Variants in NPAS3 observed in about 807,000 individuals in gnomAD.
The protein encoded by NPAS3 is neuronal PAS domain-containing protein 3.
In NPAS3, 14 loss-of-function variants were observed where a neutral mutation model predicts 73.1. The ratio of observed to expected loss-of-function variants is 0.19; its 90% CI spans 0.13 to 0.30. The LOEUF is 0.30. Among genes scored for constraint, NPAS3 ranks in the 10% least tolerant of loss-of-function variants. The probability of loss-of-function intolerance (pLI) is 1.00; values close to 1 mark genes in which losing one functional copy is unlikely to be tolerated. For synonymous variants in NPAS3, 620 were observed against 541.5 expected (o/e 1.14, Z -2.01); for missense variants, 1,096 against 1,250.0 (o/e 0.88, Z 1.86).
chr14:32,975,861 G>A (rs922057917), intron 1 of NPAS3, among the ~76,000 whole-genome samples: 1 of 67,920 alleles, frequency 1.5e-5, no homozygotes, highest in Non-Finnish European at 2.5e-5. Context: ...GGTGAGGGGC[G>A]TGTGTGTGTG....
chr14:33,558,844 C>A (rs924013214), intron 4 of NPAS3, among the ~76,000 whole-genome samples: 1 of 128,076 alleles, frequency 7.8e-6, no homozygotes, highest in African/African-American at 3.5e-5. Context: ...TGCAAATTCA[C>A]GGCCTTTTTT....
At chr14:33,329,603 G>A (rs1753670764) in intron 3 of NPAS3, among the ~76,000 whole-genome samples, 1 of 152,170 alleles carries the variant, frequency 6.6e-6, no homozygotes, top group South Asian at 2.1e-4. Flanking sequence ...AGAGTAGGAA[G>A]TGAGAGGATA....
At chr14:33,176,789 C>G (rs1302740644) in intron 2 of NPAS3, among the ~76,000 whole-genome samples, 2 of 152,000 alleles carry the variant, frequency 1.3e-5, no homozygotes, top group Non-Finnish European at 2.9e-5. Context: ...TTTGAAGAAC[C>G]ACAAAATTAT....
intron 5 of NPAS3, among the ~76,000 whole-genome samples, chr14:33,619,253 T>A (rs1200776105): frequency 1.3e-5 from 2 of 152,208 alleles, no homozygotes; most frequent in African/African-American, 4.8e-5. Flanking sequence ...ATATATAATT[T>A]AAATTTCCTA....
At chr14:33,136,442 C>T (rs1461169484) in intron 2 of NPAS3, among the ~76,000 whole-genome samples, 3 of 152,186 alleles carry the variant, frequency 2.0e-5, no homozygotes, top group African/African-American at 7.2e-5. Flanking sequence ...ACCTTTAACA[C>T]ATTGATAATG....
In NPAS3 at chr14:32,973,697, G is replaced by A. The variant is rs117053622; in HGVS notation, c.50+34331G>A. On this transcript the variant is annotated intron_variant, in intron 1 of 11. Transcript: ENST00000356141. Reference sequence around the variant, plus strand: ...ATTACAGGTGCATGCTACCACGCCCGGATAATTTTTTGTATTTTTAATAGA... The same window carrying A: ...ATTACAGGTGCATGCTACCACGCCCAGATAATTTTTTGTATTTTTAATAGA... Among the ~76,000 whole-genome samples, 631 of 151,868 alleles carry A rather than the reference G, an allele frequency of 4.2e-3. 1 individual carries two copies. The highest frequency in any genetic ancestry group is 7.9e-3 in the Admixed American group (121 of 15,258).
intron 3 of NPAS3, among the ~76,000 whole-genome samples, chr14:33,278,046 AG>A (rs143366221): frequency 0.029 from 4,356 of 152,194 alleles, 188 homozygotes; most frequent in African/African-American, 0.097. Flanking sequence ...AATGAAATTC[AG>A]GTTATATTTT....
intron 3 of NPAS3, among the ~76,000 whole-genome samples, chr14:33,225,555 T>G (rs1185468411): frequency 2.6e-5 from 4 of 152,216 alleles, no homozygotes; most frequent in African/African-American, 9.7e-5. Context: ...ACTTTTATAG[T>G]GCAAAAGTAG....
In NPAS3 at chr14:32,993,000, C is replaced by G. The variant is rs562727200; in HGVS notation, c.50+53634C>G. The stretch of plus-strand genomic sequence containing the variant: ...TGAAACCCTGTCTCTACTAAAAATA[C>G]AAAAAATTAGCTGGGTGTGGTCTCA... On this transcript the variant is annotated intron_variant, in intron 1 of 11. Coordinates refer to ENST00000356141, the Ensembl canonical transcript of NPAS3. 6.6e-5 allele frequency among the ~76,000 whole-genome samples: 10 copies of G among 151,872 alleles called. No individual in the cohort carries two copies. In the East Asian group the frequency reaches 1.7e-3, roughly 27 times the overall value.
chr14:33,119,810 T>C (rs1204577239), intron 2 of NPAS3, among the ~76,000 whole-genome samples: 1 of 152,138 alleles, frequency 6.6e-6, no homozygotes, highest in East Asian at 1.9e-4. Flanking sequence ...CAGAGAACTA[T>C]AGAGATGTCA....
At chr14:33,424,665 C>A (rs1239371594) in intron 4 of NPAS3, among the ~76,000 whole-genome samples, 1 of 151,186 alleles carries the variant, frequency 6.6e-6, no homozygotes, top group East Asian at 1.9e-4. Context: ...CCACATTCTC[C>A]CTTGGACAGC....
chr14:33,445,995 T>C (rs1307454578), intron 4 of NPAS3, among the ~76,000 whole-genome samples: 2 of 152,056 alleles, frequency 1.3e-5, no homozygotes, highest in African/African-American at 4.8e-5. Flanking sequence ...TTTACAGTTT[T>C]TGTGGCTTTA....
intron 2 of NPAS3, among the ~76,000 whole-genome samples, chr14:33,069,421 T>C (rs530493813): frequency 6.6e-6 from 1 of 152,274 alleles, no homozygotes; most frequent in East Asian, 1.9e-4. Context: ...TTTAAAAAGG[T>C]ACTCGTTAAA....
chr14:33,062,285 C>G (rs1016600262), intron 2 of NPAS3, among the ~76,000 whole-genome samples: 2 of 146,758 alleles, frequency 1.4e-5, no homozygotes, highest in Non-Finnish European at 3.0e-5. Flanking sequence ...TCAATTCCCA[C>G]CTATGAAAAA....
chr14:33,259,021 G>A (rs1165442396), intron 3 of NPAS3, among the ~76,000 whole-genome samples: 1 of 152,146 alleles, frequency 6.6e-6, no homozygotes, highest in Non-Finnish European at 1.5e-5. Context: ...CACCATGTTA[G>A]CCATGATGGT....
chr14:33,706,014 C>T (rs2060646560), intron 6 of NPAS3, among the ~76,000 whole-genome samples: 1 of 152,190 alleles, frequency 6.6e-6, no homozygotes, highest in South Asian at 2.1e-4. Context: ...AATCCTCCAC[C>T]CCTGTACACA....
At chr14:33,076,407 A>G (rs2041659770) in intron 2 of NPAS3, among the ~76,000 whole-genome samples, 1 of 152,222 alleles carries the variant, frequency 6.6e-6, no homozygotes, top group Non-Finnish European at 1.5e-5. Context: ...GCAATCATTT[A>G]TTAGGTTATT....
At chr14:33,143,685 A>G (rs2044141348) in intron 2 of NPAS3, among the ~76,000 whole-genome samples, 2 of 152,150 alleles carry the variant, frequency 1.3e-5, no homozygotes, top group South Asian at 4.1e-4. Context: ...TATCACCCCA[A>G]AAATGAAACC....
intron 3 of NPAS3, among the ~76,000 whole-genome samples, chr14:33,234,265 T>C (rs2047952951): frequency 2.0e-5 from 3 of 152,132 alleles, no homozygotes; most frequent in African/African-American, 7.2e-5. Flanking sequence ...TATAAACATT[T>C]TCTCTGGAAT....
Sources: allele counts gnomAD v4.1 joint callset (sites outside exome capture counted in the v4.1 genomes callset), GRCh38; gene constraint gnomAD v4.1.1; transcripts MANE v1.5; gene names NCBI Gene and HGNC (gene_info 2026-07-23, HGNC 2026-07-21).